The following MGAT4C variants were observed in gnomAD, a reference collection of about 807,000 sequenced individuals.
MGAT4C encodes MGAT4 family member C, also known as alpha-1,3-mannosyl-glycoprotein 4-beta-N-acetylglucosaminyltransferase C.
Under a neutral mutation model 40.1 loss-of-function variants are expected in MGAT4C, and 19 were observed. The ratio of observed to expected loss-of-function variants is 0.47; its 90% CI spans 0.33 to 0.70. The LOEUF (loss-of-function observed/expected upper bound fraction) is 0.70. Ranked by LOEUF, MGAT4C falls within the 30% of genes least tolerant of loss-of-function variation. The pLI, the probability that MGAT4C is intolerant of heterozygous loss-of-function variation, is 0.02. For missense variants in MGAT4C, 491 were observed against 563.2 expected (o/e 0.87, Z 1.30); for synonymous variants, 181 against 187.1 (o/e 0.97, Z 0.27).
At chr12:86,590,168 A>T (rs1456461197) in intron 2 of MGAT4C, among the ~76,000 whole-genome samples, 1 of 151,278 alleles carries the variant, frequency 6.6e-6, no homozygotes, top group Non-Finnish European at 1.5e-5. Context: ...AAATGTAGAT[A>T]CTTCCCTAGG....
At chr12:86,239,281 T>G (rs778877358) in intron 1 of MGAT4C, among the ~76,000 whole-genome samples, 8 of 152,070 alleles carry the variant, frequency 5.3e-5, no homozygotes, top group Admixed American at 3.9e-4. Flanking sequence ...AATTTTTATT[T>G]AGGAAAGCTC....
At chr12:86,474,292 T>A (rs990081583) in intron 2 of MGAT4C, among the ~76,000 whole-genome samples, 1 of 147,194 alleles carries the variant, frequency 6.8e-6, no homozygotes, top group African/African-American at 2.5e-5. Context: ...AACACCGCAT[T>A]TTCTCACTCA....
At chr12:86,636,432 T>A (rs962315096) in intron 2 of MGAT4C, among the ~76,000 whole-genome samples, 2 of 152,062 alleles carry the variant, frequency 1.3e-5, no homozygotes, top group Non-Finnish European at 1.5e-5. Context: ...TGAAGTTCGA[T>A]CTACCTATAT....
At chr12:86,484,674 T>C (rs1477865138) in intron 2 of MGAT4C, among the ~76,000 whole-genome samples, 1 of 151,632 alleles carries the variant, frequency 6.6e-6, no homozygotes, top group Non-Finnish European at 1.5e-5. Context: ...GGCGTGGGAG[T>C]GGGCTGTGGC....
chr12:86,013,712 AC>A, intron 2 of MGAT4C: 2 of 984,970 alleles, frequency 2.0e-6, no homozygotes, highest in Non-Finnish European at 2.4e-6. Flanking sequence ...CAAACCACCA[AC>A]AAAAAGAACA....
intron 3 of MGAT4C, among the ~76,000 whole-genome samples, chr12:86,396,699 T>C (rs1019836773): frequency 2.2e-4 from 33 of 152,110 alleles, no homozygotes; most frequent in African/African-American, 7.5e-4. Context: ...AAAGATACAA[T>C]GCCATTATGT....
At chr12:86,065,487 A>G (rs1468403350) in intron 1 of MGAT4C, among the ~76,000 whole-genome samples, 1 of 152,236 alleles carries the variant, frequency 6.6e-6, no homozygotes, top group Non-Finnish European at 1.5e-5. Context: ...GATGCAGGAA[A>G]GGGCTTTGAC....
chr12:86,271,378 T>C (rs7953494), intron 4 of MGAT4C, among the ~76,000 whole-genome samples: 129,058 of 151,982 alleles, frequency 0.85, 54,860 homozygotes, highest in East Asian at 0.95. Flanking sequence ...ATAGATATTT[T>C]TCAGAAGAAA....
chr12:86,606,381 A>G (rs1962047983), intron 2 of MGAT4C, among the ~76,000 whole-genome samples: 1 of 152,154 alleles, frequency 6.6e-6, no homozygotes, highest in Non-Finnish European at 1.5e-5. Flanking sequence ...TAACTTAAGT[A>G]ATTATTTTGC....
chr12:86,297,917 G>C (rs1953718919), intron 4 of MGAT4C, among the ~76,000 whole-genome samples: 1 of 152,074 alleles, frequency 6.6e-6, no homozygotes, highest in South Asian at 2.1e-4. Flanking sequence ...AATCAGTGCA[G>C]AAATAATGGA....
chr12:86,155,744 C>T (rs942814824), intron 1 of MGAT4C, among the ~76,000 whole-genome samples: 1 of 151,870 alleles, frequency 6.6e-6, no homozygotes, highest in East Asian at 1.9e-4. Flanking sequence ...TGTCTCTAAA[C>T]TTATGTGTGT....
chr12:86,431,471 C>T (rs1957037794), intron 3 of MGAT4C, among the ~76,000 whole-genome samples: 1 of 152,098 alleles, frequency 6.6e-6, no homozygotes, highest in African/African-American at 2.4e-5. Flanking sequence ...TGCTTGACCC[C>T]AAATCTCCCT....
intron 2 of MGAT4C, among the ~76,000 whole-genome samples, chr12:86,706,523 G>T (rs1950461829): frequency 6.6e-6 from 1 of 152,028 alleles, no homozygotes; most frequent in Admixed American, 6.6e-5. Context: ...CTTCCAAAGG[G>T]CTAGGTTTAC....
chr12:86,125,020 A>C (rs962403661), intron 1 of MGAT4C, among the ~76,000 whole-genome samples: 11 of 152,294 alleles, frequency 7.2e-5, no homozygotes, highest in Non-Finnish European at 1.3e-4. Flanking sequence ...GAAAGAGCTC[A>C]CACAGCCTGT....
chr12:86,536,637 T>C (rs1362550220), intron 2 of MGAT4C, among the ~76,000 whole-genome samples: 4 of 152,156 alleles, frequency 2.6e-5, no homozygotes, highest in South Asian at 2.1e-4. Context: ...TTGAGGACAA[T>C]AGTACACTTT....
chr12:86,791,500 T>C (rs762570139), intron 1 of MGAT4C, among the ~76,000 whole-genome samples: 8 of 151,962 alleles, frequency 5.3e-5, no homozygotes, highest in South Asian at 2.1e-4. Context: ...TTGTGGGACT[T>C]AAGAGAAAAA....
At chr12:86,351,934 T>C (rs1345578666) in intron 3 of MGAT4C, among the ~76,000 whole-genome samples, 1 of 152,046 alleles carries the variant, frequency 6.6e-6, no homozygotes, top group Admixed American at 6.6e-5. Flanking sequence ...TACATTAGGA[T>C]AGTTGGATTG....
intron 1 of MGAT4C, among the ~76,000 whole-genome samples, chr12:86,157,862 C>T (rs1552840): frequency 0.085 from 12,866 of 152,018 alleles, 649 homozygotes; most frequent in Middle Eastern, 0.22. Context: ...GCTCCTCCTC[C>T]GACATGTGGG....
chr12:86,828,915 T>C (rs1161349986), intron 1 of MGAT4C, among the ~76,000 whole-genome samples: 1 of 151,574 alleles, frequency 6.6e-6, no homozygotes, highest in Non-Finnish European at 1.5e-5. Flanking sequence ...ATTCTAAACC[T>C]GGATTGCGGT....
Sources: gnomAD v4.1 joint callset for allele counts (sites outside exome capture counted in the v4.1 genomes callset) on GRCh38, gnomAD v4.1.1 for gene constraint, MANE v1.5 for transcripts, NCBI Gene and HGNC (gene_info 2026-07-23, HGNC 2026-07-21) for gene names.